Variants in SORD observed in about 807,000 individuals in gnomAD.
The protein encoded by SORD is sorbitol dehydrogenase, also known as (R,R)-butanediol dehydrogenase.
Under a neutral mutation model 35.6 loss-of-function variants are expected in SORD, and 18 were observed. That is an observed-to-expected ratio of 0.51 (90% CI 0.35 to 0.75). SORD has a LOEUF of 0.75. SORD is among the 30% of genes least tolerant of loss of function. SORD has a pLI of 0.01. For missense variants in SORD, 250 were observed against 390.2 expected (o/e 0.64, Z 3.03); for synonymous variants, 106 against 152.9 (o/e 0.69, Z 2.26).
rs1322672340 is a variant in SORD at position 45,075,105 on chromosome 15, T to C, written c.*1575T>C. ...ACGAGAGAGGAAATTGAGGCTCAGATTGGGGAAGTGACTTGGCAAATCACA... is the reference window on the plus strand; with the variant it reads ...ACGAGAGAGGAAATTGAGGCTCAGACTGGGGAAGTGACTTGGCAAATCACA... On this transcript the variant is annotated 3_prime_UTR_variant, in exon 9 of 9. Coordinates refer to ENST00000267814, the MANE Select transcript of SORD (RefSeq NM_003104.6). 1.3e-5 allele frequency: 1 copy of C among 76,778 alleles called. No individual in the cohort carries two copies. The highest frequency in any genetic ancestry group is 2.2e-5 in the Non-Finnish European group (1 of 46,244). The allele number at this position is 76,778 out of a possible 1,614,324, so 4.8% of individuals were successfully genotyped here.
intron 1 of SORD, among the ~76,000 whole-genome samples, chr15:45,029,542 C>T (rs1036530821): frequency 2.6e-5 from 4 of 152,280 alleles, no homozygotes; most frequent in African/African-American, 9.6e-5. Context: ...CCCAGAGGGG[C>T]TGTTACAGTG....
intron 3 of SORD, among the ~76,000 whole-genome samples, chr15:45,052,594 TG>T (rs1893142443): frequency 6.6e-6 from 1 of 152,168 alleles, no homozygotes; most frequent in Non-Finnish European, 1.5e-5. Flanking sequence ...GAAAGAGGTT[TG>T]GGGTTTGATA....
intron 4 of SORD, among the ~76,000 whole-genome samples, chr15:45,063,409 T>G (rs1399712293): frequency 1.3e-5 from 2 of 151,786 alleles, no homozygotes; most frequent in East Asian, 3.9e-4. Context: ...GGGAAGAAAC[T>G]TGGAGTCTTC....
At chr15:45,025,459 G>C (rs1892654186) in intron 1 of SORD, among the ~76,000 whole-genome samples, 1 of 151,986 alleles carries the variant, frequency 6.6e-6, no homozygotes, top group Non-Finnish European at 1.5e-5. Context: ...CCAACACGGT[G>C]AAACTGTCTC....
intron 3 of SORD, among the ~76,000 whole-genome samples, chr15:45,051,145 A>C (rs1005122003): frequency 6.6e-6 from 1 of 152,222 alleles, no homozygotes; most frequent in Non-Finnish European, 1.5e-5. Context: ...GTGAATGACA[A>C]AATATCCAGG....
chr15:45,055,557 A>C (rs1238453572), intron 3 of SORD, among the ~76,000 whole-genome samples: 3 of 152,230 alleles, frequency 2.0e-5, no homozygotes, highest in Non-Finnish European at 2.9e-5. Context: ...ATTCTACCAG[A>C]GGTACAAGGA....
rs1310900044 is a variant in SORD at position 45,065,271 on chromosome 15, G to C, written c.426G>C (p.Lys142Asn). 1 of 1,612,124 alleles carries C rather than the reference G, an allele frequency of 6.2e-7. No individual in the cohort carries two copies. The highest frequency in any genetic ancestry group is 8.5e-7 in the Non-Finnish European group (1 of 1,178,846). Residue 142 changes from lysine to asparagine, a missense_variant and splice_region_variant, in exon 5 of 9, where the codon AAG becomes AAC. By Grantham distance (94) the Lys-to-Asn change is moderately conservative. Around this residue, in one of 8 missense-constraint regions of SORD, gnomAD observed 126 missense variants for 148.7 expected, o/e 0.85. Coordinates refer to ENST00000267814, the MANE Select transcript of SORD (RefSeq NM_003104.6). ...FYKHNAAFCY[K>N]LPDNVTFEEG... ...CTCTGTGTGTCAATTGACTCCTCAG[G>C]CTTCCTGACAATGTCACCTTTGAGG...
intron 2 of SORD, among the ~76,000 whole-genome samples, chr15:45,042,745 T>G (rs905398123): frequency 1.3e-5 from 2 of 151,758 alleles, no homozygotes; most frequent in Non-Finnish European, 2.9e-5. Context: ...TTACCCAGTG[T>G]ATTGGTTAGT....
intron 7 of SORD, chr15:45,069,954 G>T (rs1893483740): frequency 6.6e-6 from 1 of 152,148 alleles, no homozygotes; most frequent in Non-Finnish European, 1.5e-5. Flanking sequence ...GTGGTGGGAG[G>T]GAGTGTCATT....
chr15:45,045,021 T>C (rs1225818715), intron 3 of SORD, among the ~76,000 whole-genome samples: 2 of 152,008 alleles, frequency 1.3e-5, no homozygotes, highest in Admixed American at 6.6e-5. Context: ...CTTGTAACAA[T>C]TCTATGAGAT....
intron 1 of SORD, among the ~76,000 whole-genome samples, chr15:45,028,489 GAGA>G (rs1174124252): frequency 6.6e-6 from 1 of 152,236 alleles, no homozygotes; most frequent in African/African-American, 2.4e-5. Context: ...TCTGAACAGG[GAGA>G]AGTATAGGAA....
intron 3 of SORD, chr15:45,058,723 C>T (rs1295523899): frequency 6.6e-6 from 1 of 152,202 alleles, no homozygotes; most frequent in Non-Finnish European, 1.5e-5. Context: ...GGAAAGCTCT[C>T]AGCAGCAGAG....
intron 1 of SORD, among the ~76,000 whole-genome samples, chr15:45,039,221 T>G (rs751794279): frequency 6.6e-6 from 1 of 151,952 alleles, no homozygotes; most frequent in African/African-American, 2.4e-5. Flanking sequence ...CTCCATCTCC[T>G]GGGTTCAAGC....
chr15:45,033,107 GA>G (rs1892811667), intron 1 of SORD, among the ~76,000 whole-genome samples: 1 of 151,358 alleles, frequency 6.6e-6, no homozygotes, highest in African/African-American at 2.4e-5. Context: ...AAAACTGCTA[GA>G]ATCCCTTCAC....
chr15:45,047,068 A>G (rs1446324868), intron 3 of SORD: 1 of 151,874 alleles, frequency 6.6e-6, no homozygotes, highest in Non-Finnish European at 1.5e-5. Flanking sequence ...ATATAAGTCA[A>G]TAACTCTAAG....
At chr15:45,058,735 A>T (rs1952640518) in intron 3 of SORD, 1 of 152,180 alleles carries the variant, frequency 6.6e-6, no homozygotes, top group African/African-American at 2.4e-5. Flanking sequence ...GCAGCAGAGC[A>T]GGAGACCTGA....
intron 1 of SORD, among the ~76,000 whole-genome samples, chr15:45,034,870 G>A (rs1236830673): frequency 3.3e-5 from 5 of 152,224 alleles, no homozygotes; most frequent in Non-Finnish European, 7.3e-5. Context: ...TTCGCGCCGC[G>A]CTTGCGGGCC....
intron 1 of SORD, among the ~76,000 whole-genome samples, chr15:45,038,258 C>T (rs1353954409): frequency 6.6e-6 from 1 of 152,004 alleles, no homozygotes; most frequent in Non-Finnish European, 1.5e-5. Flanking sequence ...TTGCCCCCAT[C>T]GGGCTGCTTT....
intron 2 of SORD, among the ~76,000 whole-genome samples, chr15:45,041,473 G>C (rs1464008134): frequency 2.6e-5 from 4 of 151,984 alleles, no homozygotes; most frequent in Non-Finnish European, 5.9e-5. Flanking sequence ...CGCAGCTTCT[G>C]GGTGAACATC....
Sources: allele counts gnomAD v4.1 joint callset (sites outside exome capture counted in the v4.1 genomes callset), GRCh38; gene constraint gnomAD v4.1.1; regional missense constraint gnomAD v4.1.1; transcripts MANE v1.5; gene names NCBI Gene and HGNC (gene_info 2026-07-23, HGNC 2026-07-21).